ANO9: variants seen among roughly 807,000 people sequenced by gnomAD.
ANO9 encodes the protein anoctamin 9, also known as anoctamin-9.
In ANO9, 80 loss-of-function variants were observed where a neutral mutation model predicts 100.5. The ratio of observed to expected loss-of-function variants is 0.80; its 90% CI spans 0.66 to 0.96. The LOEUF (loss-of-function observed/expected upper bound fraction) is 0.96, where lower values mean the gene tolerates loss of function less well. Among genes scored for constraint, ANO9 ranks in the 40% least tolerant of loss-of-function variants. ANO9 has a pLI of 0.00. For synonymous variants in ANO9, 473 were observed against 435.6 expected (o/e 1.09, Z -1.07); for missense variants, 1,064 against 1,072.7 (o/e 0.99, Z 0.11).
chr11:432,274 A>T lies in ANO9; in HGVS notation c.351-220T>A. ...GGGCCTGGCCTGCCCCACGGCGTCCAGGATGAGGCTGGGCTGGGGGCTCCT... is the reference window on the plus strand; with the variant it reads ...GGGCCTGGCCTGCCCCACGGCGTCCTGGATGAGGCTGGGCTGGGGGCTCCT... On this transcript the variant is annotated intron_variant, in intron 4 of 22. Coordinates refer to ENST00000332826, the MANE Select transcript of ANO9 (RefSeq NM_001012302.3). This position sits in a 1 kb window ranked among gnomAD's most constrained non-coding sequence, Gnocchi z 4.8. 1 of 565,530 alleles carries T rather than the reference A, an allele frequency of 1.8e-6. No individual in the cohort carries two copies. The highest frequency in any genetic ancestry group is 2.2e-5 in the South Asian group (1 of 46,474). The allele number at this position is 565,530 out of a possible 1,614,324, so 35.0% of individuals were successfully genotyped here. A position where few individuals can be genotyped will look rare whatever the true frequency, so the allele number is the denominator to read the frequency against.
Position 418,650 on chromosome 11 carries a change from G to A in ANO9, c.2131-61C>T, listed in dbSNP as rs370219859. The A allele has an allele frequency of 2.5e-6, 4 of 1,610,806 alleles. No individual in the cohort carries two copies. The African/African-American group carries it at 5.3e-5, about 21-fold the overall frequency. On this transcript the variant is annotated intron_variant, in intron 22 of 22. Transcript: ENST00000332826. ...GTGCCAGCTGGCATTTGGGGGTTCA[G>A]GGCCGGGGAGAAGGACTGGGGAGAG...
intron 7 of ANO9, among the ~76,000 whole-genome samples, chr11:431,199 C>T (rs186468248): frequency 6.0e-4 from 20 of 33,300 alleles, no homozygotes; most frequent in African/African-American, 7.8e-4. Context: ...TGGGGGCTTC[C>T]GCAGGGGTGT....
rs372036792 is a variant in ANO9, at chr11:433,858, T to C, written c.161A>G (p.Gln54Arg). ...TQRDPRQARQQQFLEELRRKG... is the reference protein window; with the variant it reads ...TQRDPRQARQRQFLEELRRKG... ...TCTCCTGAGCTCCTCCAGGAACTGTTGCTGCCGCGCCTGCCGGGGGTCTCT... is the reference window on the plus strand; with the variant it reads ...TCTCCTGAGCTCCTCCAGGAACTGTCGCTGCCGCGCCTGCCGGGGGTCTCT... The change falls in exon 3 of 23, where the codon CAA becomes CGA. Residue 54 changes from glutamine (Q) to arginine (R), a missense_variant. Physicochemically the swap from Gln to Arg is conservative, Grantham distance 43 (BLOSUM62 1). Transcript: ENST00000332826. 88 of 1,563,210 alleles carry C rather than the reference T, an allele frequency of 5.6e-5. No homozygotes were observed. The African/African-American group carries it at 8.9e-4, about 16-fold the overall frequency.
At chr11:436,368 T>C (rs1282359779) in intron 1 of ANO9, among the ~76,000 whole-genome samples, 2 of 151,914 alleles carry the variant, frequency 1.3e-5, no homozygotes. Flanking sequence ...CGCCCGGCCC[T>C]GTTTCTTATT....
intron 1 of ANO9, among the ~76,000 whole-genome samples, chr11:440,077 C>T (rs536450273): frequency 2.0e-4 from 30 of 152,222 alleles, no homozygotes; most frequent in African/African-American, 2.4e-4. Flanking sequence ...TGTGTGGGCA[C>T]GCCCTGAGAA....
chr11:424,995 G>GA (rs1564910951), intron 15 of ANO9, among the ~76,000 whole-genome samples: 157 of 127,410 alleles, frequency 1.2e-3, no homozygotes, highest in Middle Eastern at 5.9e-3. Context: ...AAGGCGGCGG[G>GA]GAGACGGGAC....
chr11:425,934 G>T (rs894460494), intron 15 of ANO9, among the ~76,000 whole-genome samples: 1 of 151,670 alleles, frequency 6.6e-6, no homozygotes, highest in Non-Finnish European at 1.5e-5. Flanking sequence ...GGGTTTCACC[G>T]TGTTAGCCAG....
intron 1 of ANO9, among the ~76,000 whole-genome samples, chr11:440,127 C>T (rs1341313891): frequency 6.6e-6 from 1 of 152,140 alleles, no homozygotes; most frequent in Non-Finnish European, 1.5e-5. Context: ...CAGTCAGCAC[C>T]TCCCAGGGAC....
At chr11:424,448 G>C (rs1848378106) in intron 15 of ANO9, among the ~76,000 whole-genome samples, 1 of 152,204 alleles carries the variant, frequency 6.6e-6, no homozygotes, top group South Asian at 2.1e-4. Flanking sequence ...CTGGTCCTCA[G>C]TCATCTATTC....
intron 1 of ANO9, among the ~76,000 whole-genome samples, chr11:436,092 A>T (rs1590524285): frequency 3.4e-5 from 3 of 87,952 alleles, no homozygotes; most frequent in South Asian, 4.0e-4. Flanking sequence ...TTTGAGACAG[A>T]GTTTTCCTCG....
chr11:428,027 TTAAAGGCAGTGGAA>T, intron 15 of ANO9, 47 bp downstream of exon 15: 1 of 1,352,750 alleles, frequency 7.4e-7, no homozygotes, highest in South Asian at 1.2e-5. Context: ...CATTGCCACT[TTAAAGGCAGTGGAA>T]CAAGCCCTCG....
In ANO9 at chr11:431,748, T is replaced by G. The variant is rs756569093; in HGVS notation, c.485A>C (p.Lys162Thr). The part of the protein sequence containing the change: ...PLHKGEGRLK[K>T]TWARWRHMFR... ...CATGTGTCTCCACCGCGCCCACGTC[T>G]TCTTCAGGCGTCCCTCCCCCTGGCT... Residue 162 changes from lysine to threonine, a missense_variant, in exon 7 of 23, where the codon AAG (lysine) becomes ACG (threonine). By Grantham distance (78) the Lys-to-Thr change is moderately conservative. Coordinates refer to ENST00000332826, the MANE Select transcript of ANO9 (RefSeq NM_001012302.3). 4.3e-6 allele frequency: 7 copies of G among 1,612,610 alleles called. No individual in the cohort carries two copies. The South Asian group carries it at 7.7e-5, about 18-fold the overall frequency.
Position 420,935 on chromosome 11 carries a change from C to A in ANO9, c.1490+10G>T. On this transcript the variant is annotated intron_variant, in intron 17 of 22. Coordinates refer to ENST00000332826, the MANE Select transcript of ANO9 (RefSeq NM_001012302.3). ...GGGGCTCCCGGGGCTGGGCGGGGGTCGGCACTCACGGGACCAGGTACTCGA... is the reference window on the plus strand; with the variant it reads ...GGGGCTCCCGGGGCTGGGCGGGGGTAGGCACTCACGGGACCAGGTACTCGA... The A allele has an allele frequency of 6.2e-7, 1 of 1,601,192 alleles. No individual in the cohort carries two copies. Among genetic ancestry groups the A allele is most frequent in the Non-Finnish European group, 8.5e-7 (1 of 1,172,948 alleles).
intron 19 of ANO9, 142 bp from the exon 20 acceptor site, chr11:419,871 A>G (rs1848070037): frequency 3.5e-6 from 5 of 1,440,628 alleles, no homozygotes; most frequent in Admixed American, 2.7e-5. Flanking sequence ...AGTATTCACA[A>G]GGAAGTCCCC....
In ANO9 at chr11:430,384, C is replaced by T. The variant is rs1469904094; in HGVS notation, c.559G>A (p.Val187Met). 1 of 1,594,732 alleles carries T rather than the reference C, an allele frequency of 6.3e-7. No homozygotes were observed. The highest frequency in any genetic ancestry group is 1.7e-5 in the Admixed American group (1 of 58,634). Residue 187 changes from valine (V) to methionine (M), a missense_variant, in exon 8 of 23, where the codon GTG becomes ATG. Coordinates refer to ENST00000332826, the MANE Select transcript of ANO9 (RefSeq NM_001012302.3). ...CCCAGCCAGACGAAGTACAGGGCCA[C>T]CTTTTCCCCAAAGTAGTTCCTGCAG... ...DEIRNYFGEK[V>M]ALYFVWLGWY...
rs1848662966 is a variant in ANO9 at position 428,505 on chromosome 11, C to T, written c.1155G>A (p.Val385=). ...TTAVVVTGAL[V]HYVTIIIMTK... ...TCATGATGATGATGGTCACATAGTG[C>T]ACCAGAGCCCCGGTCACCACCACGG... Residue 385 remains valine, a synonymous_variant, in exon 13 of 23, where the codon GTG becomes GTA. Coordinates refer to ENST00000332826, the MANE Select transcript of ANO9 (RefSeq NM_001012302.3). 1 of 1,612,658 alleles carries T rather than the reference C, an allele frequency of 6.2e-7. No homozygotes were observed. Among genetic ancestry groups the T allele is most frequent in the South Asian group, 1.1e-5 (1 of 91,090 alleles).
Position 434,198 on chromosome 11 carries a change from G to A in ANO9, c.7-100C>T, listed in dbSNP as rs559145823. On this transcript the variant is annotated intron_variant, in intron 1 of 22. Coordinates refer to ENST00000332826, the MANE Select transcript of ANO9 (RefSeq NM_001012302.3). ...GCAGCGGACCACATGGTCACACACC[G>A]TCCCTCCCCACAAGGAGAACAGCAA... 4.3e-4 allele frequency: 573 copies of A among 1,342,736 alleles called. 2 individuals are homozygous for A. The South Asian group carries it at 6.7e-3, about 16-fold the overall frequency. 83.2% of individuals were successfully genotyped at this position (1,342,736 alleles called of 1,614,324 possible).
intron 19 of ANO9, chr11:420,226 C>T (rs2133677089): frequency 7.1e-7 from 1 of 1,418,262 alleles, no homozygotes; most frequent in African/African-American, 1.4e-5. Flanking sequence ...GCGTCAAGCC[C>T]CTCTGAGATC....
Position 420,820 on chromosome 11 carries a change from A to C in ANO9, c.1531T>G (p.Ser511Ala). 1.9e-6 allele frequency: 3 copies of C among 1,592,490 alleles called. No homozygotes were observed. Among genetic ancestry groups the C allele is most frequent in the Non-Finnish European group, 2.6e-6 (3 of 1,173,256 alleles). Residue 511 changes from serine (S) to alanine (A), a missense_variant, in exon 18 of 23, where the codon TCC (serine) becomes GCC (alanine). Physicochemically the swap from Ser to Ala is moderately conservative, Grantham distance 99. Coordinates refer to ENST00000332826, the MANE Select transcript of ANO9 (RefSeq NM_001012302.3). The stretch of plus-strand genomic sequence containing the variant: ...TCGGGGTCCCGGGGCAGGTGCCCGG[A>C]CTCGGAGGCCCGCAGAGAGCGGCAC... ...HKCRSLRASE[S>A]GHLPRDPELR...
Sources: allele counts gnomAD v4.1 joint callset (sites outside exome capture counted in the v4.1 genomes callset), GRCh38; gene constraint gnomAD v4.1.1; non-coding constraint Gnocchi (gnomAD v3.1); transcripts MANE v1.5; gene names NCBI Gene and HGNC (gene_info 2026-07-23, HGNC 2026-07-21).